Variants in SAMD7 observed in about 807,000 individuals in gnomAD.
SAMD7 encodes the protein sterile alpha motif domain-containing protein 7.
Under a neutral mutation model 36.7 loss-of-function variants are expected in SAMD7, and 34 were observed. The ratio of observed to expected loss-of-function variants is 0.93; its 90% CI spans 0.71 to 1.23. The LOEUF is 1.23. Among genes scored for constraint, SAMD7 ranks in the 50% most tolerant of loss-of-function variants. The probability of loss-of-function intolerance (pLI) is 0.00; values close to 1 mark genes in which losing one functional copy is unlikely to be tolerated. For synonymous variants in SAMD7, 188 were observed against 189.7 expected, an observed-to-expected ratio of 0.99 and a Z score of 0.07; for missense variants, 570 against 546.6, an observed-to-expected ratio of 1.04 and a Z score of -0.43.
Position 169,926,195 on chromosome 3 carries a change from A to G in SAMD7, c.291-358A>G, listed in dbSNP as rs762646024. 26 of 1,000,922 alleles carry G rather than the reference A, an allele frequency of 2.6e-5. No individual in the cohort carries two copies. In the Middle Eastern group the frequency reaches 7.1e-4, roughly 27 times the overall value. 62.0% of individuals were successfully genotyped at this position (1,000,922 alleles called of 1,614,324 possible). A position where few individuals can be genotyped will look rare whatever the true frequency, so the allele number is the denominator to read the frequency against. The stretch of plus-strand genomic sequence containing the variant: ...TGTCTAATTGTCTTTCTTGAATCTC[A>G]CTAAGATTATTTTGCAGGGTTTGAA... On this transcript the variant is annotated intron_variant, in intron 5 of 8. Coordinates refer to ENST00000335556, the MANE Select transcript of SAMD7 (RefSeq NM_001304366.2).
Position 169,919,504 on chromosome 3 carries a change from T to A in SAMD7, c.6T>A (p.Ala2=). The change falls in exon 3 of 9, where the codon GCT becomes GCA. Residue 2 remains alanine (A), a synonymous_variant. Transcript: ENST00000335556. M[A]VNPLLTPTGQ... is the part of the protein sequence containing the mutation. ...TATTGAAGACAAACCCGGTGATGGCTGTGAACCCTTTATTGACACCAACAG... is the reference window on the plus strand; with the variant it reads ...TATTGAAGACAAACCCGGTGATGGCAGTGAACCCTTTATTGACACCAACAG... 1 of 1,614,032 alleles carries A rather than the reference T, an allele frequency of 6.2e-7. No individual in the cohort carries two copies. The highest frequency in any genetic ancestry group is 8.5e-7 in the Non-Finnish European group (1 of 1,179,878).
At position 169,928,546 on chromosome 3, in the gene SAMD7, C is replaced by G. The variant is rs759442933; in HGVS notation, c.1009C>G (p.Arg337Gly). 5 of 1,613,878 alleles carry G rather than the reference C, an allele frequency of 3.1e-6. No homozygotes were observed. The African/African-American group carries it at 5.3e-5, about 17-fold the overall frequency. Reference sequence around the variant, plus strand: ...CGTGGATGATGTGCACAGCTTCATTCGCAGCCTTCCAGGTTGTTCAGACTA... The same window carrying G: ...CGTGGATGATGTGCACAGCTTCATTGGCAGCCTTCCAGGTTGTTCAGACTA... ...WTVDDVHSFI[R>G]SLPGCSDYAQ... Residue 337 changes from arginine (R) to glycine (G), a missense_variant, in exon 7 of 9, where the codon CGC becomes GGC. Physicochemically the swap from Arg to Gly is moderately radical, Grantham distance 125. Transcript: ENST00000335556.
chr3:169,933,055 T>A, intron 7 of SAMD7: 1 of 873,620 alleles, frequency 1.1e-6, no homozygotes, highest in Non-Finnish European at 1.9e-6. Flanking sequence ...AATGGTGTGC[T>A]GAAGTCTACC....
At chr3:169,937,827 T>C (rs1215415806) in intron 8 of SAMD7, among the ~76,000 whole-genome samples, 2 of 152,218 alleles carry the variant, frequency 1.3e-5, no homozygotes, top group Non-Finnish European at 2.9e-5. Flanking sequence ...CTTTCAGAAA[T>C]CATGCATTGG....
At chr3:169,914,221 TCTCTGTAGTGTCCA>T (rs1434064406) in intron 1 of SAMD7, among the ~76,000 whole-genome samples, 1 of 152,168 alleles carries the variant, frequency 6.6e-6, no homozygotes, top group African/African-American at 2.4e-5. Flanking sequence ...ATATGAAAAC[TCTCTGTAGTGTCCA>T]CTCCATTTTT....
chr3:169,928,362 C>A, intron 6 of SAMD7, 95 bp from the exon 7 acceptor site: 1 of 1,064,506 alleles, frequency 9.4e-7, no homozygotes, highest in Non-Finnish European at 1.4e-6. Context: ...GTTTGCAAAT[C>A]AAGACCACTC....
chr3:169,932,430 G>A (rs1413551146), intron 7 of SAMD7: 2 of 618,518 alleles, frequency 3.2e-6, no homozygotes, highest in African/African-American at 1.8e-5. Flanking sequence ...TGCCGGTTAT[G>A]ATAGACACAA....
chr3:169,933,090 C>T (rs1266501693), intron 7 of SAMD7: 24 of 886,734 alleles, frequency 2.7e-5, no homozygotes, highest in Non-Finnish European at 4.2e-5. Flanking sequence ...GGCCCATGAC[C>T]CCCTCTCCCC....
At chr3:169,919,173 A>G (rs1712938811) in intron 2 of SAMD7, among the ~76,000 whole-genome samples, 1 of 152,118 alleles carries the variant, frequency 6.6e-6, no homozygotes, top group Non-Finnish European at 1.5e-5. Context: ...CAAAAAAGAA[A>G]GGACGTTGGT....
rs116205431 is a variant in SAMD7, at chr3:169,924,298, A to G, written c.212-760A>G. 7.7e-3 allele frequency among the ~76,000 whole-genome samples: 1,175 copies of G among 152,034 alleles called. 18 individuals carry two copies. Among genetic ancestry groups the G allele is most frequent in the African/African-American group, 0.027 (1,108 of 41,462 alleles). ...GCTTGGTGCAAAGTGAGTATAAAAA[A>G]TTGTTTCTGGCCAGGTGCAGTGGCT... On this transcript the variant is annotated intron_variant, in intron 4 of 8. Transcript: ENST00000335556.
intron 7 of SAMD7, among the ~76,000 whole-genome samples, chr3:169,935,479 T>C (rs762615549): frequency 9.2e-5 from 14 of 152,004 alleles, no homozygotes; most frequent in Non-Finnish European, 2.1e-4. Context: ...AGTTCTTATC[T>C]ACTGGTTTTT....
chr3:169,931,994 C>A, intron 7 of SAMD7: 1 of 674,086 alleles, frequency 1.5e-6, no homozygotes, highest in South Asian at 2.9e-5. Context: ...GAAAAGAGGT[C>A]AACATGAAGC....
At chr3:169,937,839 C>T (rs1713778957) in intron 8 of SAMD7, among the ~76,000 whole-genome samples, 1 of 152,136 alleles carries the variant, frequency 6.6e-6, no homozygotes, top group Non-Finnish European at 1.5e-5. Context: ...ATGCATTGGC[C>T]TTCTAACTGC....
At position 169,936,370 on chromosome 3, in the gene SAMD7, C is replaced by A; in HGVS notation, c.1073C>A (p.Thr358Asn). 3.1e-6 allele frequency: 5 copies of A among 1,612,412 alleles called. No individual in the cohort carries two copies. Among genetic ancestry groups the A allele is most frequent in the South Asian group, 1.1e-5 (1 of 90,990 alleles). Reference protein sequence around the residue: ...VFKDHAIDGETLPLLTEEHLR... With the variant: ...VFKDHAIDGENLPLLTEEHLR... The stretch of plus-strand genomic sequence containing the variant: ...AAAGATCATGCAATTGATGGAGAAA[C>A]TTTGCCATTACTCACAGAAGAGCAT... Residue 358 changes from threonine (T) to asparagine (N), a missense_variant, in exon 8 of 9, where the codon ACT (threonine) becomes AAT (asparagine). Transcript: ENST00000335556.
intron 1 of SAMD7, among the ~76,000 whole-genome samples, chr3:169,913,115 A>T (rs981716107): frequency 2.6e-5 from 4 of 152,220 alleles, no homozygotes; most frequent in African/African-American, 9.6e-5. Context: ...TCTTACATTT[A>T]TTTATCTCAG....
intron 5 of SAMD7, 167 bp from the exon 6 acceptor site, chr3:169,926,386 C>G: frequency 8.5e-7 from 1 of 1,177,994 alleles, no homozygotes. Flanking sequence ...AGCTTCAGAT[C>G]TTACTCAAAA....
intron 2 of SAMD7, among the ~76,000 whole-genome samples, chr3:169,918,349 A>C (rs13097967): frequency 6.6e-6 from 1 of 152,116 alleles, no homozygotes. Flanking sequence ...TTTTGTACCC[A>C]TTAACCATCC....
chr3:169,925,519 G>T (rs1713222361), intron 5 of SAMD7, among the ~76,000 whole-genome samples: 1 of 152,054 alleles, frequency 6.6e-6, no homozygotes, highest in African/African-American at 2.4e-5. Context: ...GAGGTCAGGA[G>T]TTCAAGACCA....
At chr3:169,914,034 G>A (rs1055068157) in intron 1 of SAMD7, among the ~76,000 whole-genome samples, 1 of 152,200 alleles carries the variant, frequency 6.6e-6, no homozygotes, top group African/African-American at 2.4e-5. Flanking sequence ...GTGGATAAAT[G>A]CCATTCTACA....
Sources: allele counts gnomAD v4.1 joint callset (sites outside exome capture counted in the v4.1 genomes callset), GRCh38; gene constraint gnomAD v4.1.1; transcripts MANE v1.5; gene names NCBI Gene and HGNC (gene_info 2026-07-23, HGNC 2026-07-21).